The following PCNP variants were observed in gnomAD, a reference collection of about 807,000 sequenced individuals.
PCNP encodes the protein PEST proteolytic signal-containing nuclear protein.
PCNP carries 6 observed loss-of-function variants against 21.8 expected under a neutral mutation model. The observed-to-expected ratio is 0.28, with a 90% confidence interval of 0.15 to 0.54. PCNP has a LOEUF of 0.54. Among genes scored for constraint, PCNP ranks in the 20% least tolerant of loss-of-function variants. PCNP has a pLI of 0.95. For missense variants in PCNP, 161 were observed against 215.5 expected, an observed-to-expected ratio of 0.75 and a Z score of 1.58; for synonymous variants, 67 against 73.2, an observed-to-expected ratio of 0.92 and a Z score of 0.43.
At chr3:101,586,974 C>T (rs1193111162) in intron 3 of PCNP, among the ~76,000 whole-genome samples, 1 of 152,142 alleles carries the variant, frequency 6.6e-6, no homozygotes, top group Non-Finnish European at 1.5e-5. Context: ...AATTCTGTGG[C>T]CGCGCGCAGT....
intron 1 of PCNP, chr3:101,576,904 A>G (rs1385650629): frequency 9.4e-6 from 15 of 1,602,820 alleles, no homozygotes; most frequent in African/African-American, 1.3e-5. Context: ...GGTGTTGAGT[A>G]CTCGCAAAAT....
intron 4 of PCNP, among the ~76,000 whole-genome samples, chr3:101,590,902 G>A (rs1935768613): frequency 6.7e-6 from 1 of 148,520 alleles, no homozygotes; most frequent in Admixed American, 6.8e-5. Flanking sequence ...CAAAATTTTT[G>A]CTGGTATGAA....
intron 3 of PCNP, 61 bp from the exon 4 acceptor site, chr3:101,590,154 G>T: frequency 1.2e-6 from 1 of 869,078 alleles, no homozygotes; most frequent in East Asian, 2.5e-5. Context: ...TAGCGTATTA[G>T]TAATCAGGAA....
chr3:101,584,918 C>G (rs72931719), intron 2 of PCNP, among the ~76,000 whole-genome samples: 3,327 of 152,312 alleles, frequency 0.022, 120 homozygotes, highest in African/African-American at 0.076. Flanking sequence ...TCATGAGAAT[C>G]ATTTGAACCC....
chr3:101,575,185 C>G (rs1170257895), intron 1 of PCNP, among the ~76,000 whole-genome samples: 3 of 152,194 alleles, frequency 2.0e-5, no homozygotes. Context: ...CACGTGCGAG[C>G]TGTTTAAAAT....
At chr3:101,577,698 A>T (rs1935000289) in intron 1 of PCNP, among the ~76,000 whole-genome samples, 1 of 151,958 alleles carries the variant, frequency 6.6e-6, no homozygotes, top group Non-Finnish European at 1.5e-5. Flanking sequence ...CTTAATTTGT[A>T]CTTTTAGTAG....
At chr3:101,574,807 G>A (rs1934773782) in intron 1 of PCNP, 1 of 152,946 alleles carries the variant, frequency 6.5e-6, no homozygotes, top group African/African-American at 2.4e-5. Flanking sequence ...GGACAACTCC[G>A]GCCTGCTCTC....
intron 2 of PCNP, among the ~76,000 whole-genome samples, chr3:101,580,732 T>G (rs1320810772): frequency 6.6e-6 from 1 of 152,196 alleles, no homozygotes; most frequent in African/African-American, 2.4e-5. Flanking sequence ...CCATGGAACC[T>G]CTGGAAGTGT....
intron 1 of PCNP, among the ~76,000 whole-genome samples, chr3:101,576,234 G>A (rs1934873951): frequency 7.2e-6 from 1 of 138,576 alleles, no homozygotes; most frequent in South Asian, 2.4e-4. Flanking sequence ...TTTTTTTTAT[G>A]AATGGTTTCC....
chr3:101,574,209 G>A lies in PCNP; in HGVS notation c.-7G>A, dbSNP rs377601535. 1.9e-5 allele frequency: 30 copies of A among 1,549,346 alleles called. No individual in the cohort carries two copies. In the African/African-American group the frequency reaches 3.7e-4, roughly 19 times the overall value. ...GCGTGGCTGCAGGGGAGGCCGCGGC[G>A]GGGAAAATGGCGGACGGGAAGGCGG... On this transcript the variant is annotated 5_prime_UTR_variant, in exon 1 of 5. Coordinates refer to ENST00000265260, the MANE Select transcript of PCNP (RefSeq NM_020357.3).
At chr3:101,576,262 A>G (rs1934877174) in intron 1 of PCNP, among the ~76,000 whole-genome samples, 1 of 135,118 alleles carries the variant, frequency 7.4e-6, no homozygotes, top group African/African-American at 2.8e-5. Flanking sequence ...TTTTTTTGAG[A>G]TGGAGCTCTG....
intron 2 of PCNP, among the ~76,000 whole-genome samples, chr3:101,584,981 G>A (rs533914299): frequency 4.0e-4 from 61 of 152,292 alleles, no homozygotes; most frequent in Non-Finnish European, 7.4e-4. Flanking sequence ...TCCAGCCTGG[G>A]CGACAGAGCA....
rs1935065906 is a variant in PCNP at position 101,578,781 on chromosome 3, TAATC to T, written c.65-1006_65-1003del. Among the ~76,000 whole-genome samples, 5 of 152,322 alleles carry T rather than the reference TAATC, an allele frequency of 3.3e-5. No homozygotes were observed. The South Asian group carries it at 6.2e-4, about 19-fold the overall frequency. ...CTCTGTGTCCTGCTTTCTTAACTGT[TAATC>T]AAGGCCATCTCTTGGAGCATCTTCT... On this transcript the variant is annotated intron_variant, in intron 1 of 4. Transcript: ENST00000265260.
chr3:101,576,306 C>T (rs575054958), intron 1 of PCNP, among the ~76,000 whole-genome samples: 2 of 148,988 alleles, frequency 1.3e-5, no homozygotes, highest in East Asian at 2.0e-4. Context: ...GTGACCTGGG[C>T]GCACTGCAAA....
intron 1 of PCNP, chr3:101,576,593 C>T (rs978961944): frequency 1.6e-5 from 26 of 1,610,984 alleles, no homozygotes; most frequent in Non-Finnish European, 4.2e-6. Context: ...CCTCTATGGG[C>T]CCGAATCTTC....
chr3:101,579,913 C>A lies in PCNP; in HGVS notation c.188C>A (p.Thr63Lys). 1.9e-6 allele frequency: 3 copies of A among 1,614,078 alleles called. No individual in the cohort carries two copies. Among genetic ancestry groups the A allele is most frequent in the Non-Finnish European group, 1.7e-6 (2 of 1,179,914 alleles). ...GAAGAAGAAGCTGCCGACCTCCCAACAAAGCCTACAAAGATCTCCAAGTTT... is the reference window on the plus strand; with the variant it reads ...GAAGAAGAAGCTGCCGACCTCCCAAAAAAGCCTACAAAGATCTCCAAGTTT... ...SAEEEAADLP[T>K]KPTKISKFGF... Residue 63 changes from threonine to lysine, a missense_variant, in exon 2 of 5, where the codon ACA (threonine) becomes AAA (lysine). Around this residue, in one of 4 missense-constraint regions of PCNP, gnomAD observed 46 missense variants for 39.3 expected, o/e 1.17. Transcript: ENST00000265260.
chr3:101,575,034 A>T (rs755953986), intron 1 of PCNP: 1 of 152,128 alleles, frequency 6.6e-6, no homozygotes, highest in African/African-American at 2.4e-5. Flanking sequence ...CTCTTCCTGT[A>T]TTTTGTTACG....
intron 1 of PCNP, chr3:101,576,792 G>T: frequency 1.9e-6 from 3 of 1,611,220 alleles, no homozygotes; most frequent in Middle Eastern, 2.1e-4. Context: ...CCCTCTTGGT[G>T]AGGTCAGTGT....
intron 3 of PCNP, among the ~76,000 whole-genome samples, chr3:101,588,922 C>A (rs1269555013): frequency 2.0e-5 from 3 of 152,214 alleles, no homozygotes; most frequent in Admixed American, 2.0e-4. Flanking sequence ...TGCCAGATTT[C>A]TTCACTGTCA....
Sources: allele counts gnomAD v4.1 joint callset (sites outside exome capture counted in the v4.1 genomes callset), GRCh38; gene constraint gnomAD v4.1.1; regional missense constraint gnomAD v4.1.1; transcripts MANE v1.5; gene names NCBI Gene and HGNC (gene_info 2026-07-23, HGNC 2026-07-21).